The following ANXA11 variants were observed in gnomAD, a reference collection of about 807,000 sequenced individuals.
The protein encoded by ANXA11 is annexin A11.
A neutral mutation model predicts 64.7 loss-of-function variants in ANXA11; 57 were observed. The ratio of observed to expected loss-of-function variants is 0.88; its 90% CI spans 0.71 to 1.10. ANXA11 has a LOEUF of 1.10. Ranked by LOEUF, ANXA11 falls within the 50% of genes least tolerant of loss-of-function variation. The probability of loss-of-function intolerance (pLI) is 0.00; values close to 1 mark genes in which losing one functional copy is unlikely to be tolerated. For missense variants in ANXA11, 675 were observed against 670.7 expected (o/e 1.01, Z -0.07); for synonymous variants, 260 against 265.2 (o/e 0.98, Z 0.19).
intron 1 of ANXA11, among the ~76,000 whole-genome samples, chr10:80,180,388 G>A (rs898511966): frequency 1.3e-5 from 2 of 152,226 alleles, no homozygotes; most frequent in Admixed American, 1.3e-4. Flanking sequence ...TCAGTGCCAT[G>A]CCTGGGACTC....
Position 80,157,991 on chromosome 10 carries a change from C to T in ANXA11, c.1311G>A (p.Ala437=), listed in dbSNP as rs140115990. ...CCCTCATGGCCTTGTTGAGCCTCTC[C>T]GCAAAGAAGGCTGGGGTATTCTTGA... ...KCLKNTPAFF[A]ERLNKAMRGA... Residue 437 remains alanine (A), a synonymous_variant, in exon 14 of 16, where the codon GCG becomes GCA. Transcript: ENST00000422982. 180 of 1,614,124 alleles carry T rather than the reference C, an allele frequency of 1.1e-4. 1 individual carries two copies. The South Asian group carries it at 1.5e-3, about 13-fold the overall frequency.
chr10:80,179,890 C>T (rs769205649), intron 1 of ANXA11, among the ~76,000 whole-genome samples: 1 of 152,230 alleles, frequency 6.6e-6, no homozygotes, highest in Non-Finnish European at 1.5e-5. Flanking sequence ...ATGCCTTGTT[C>T]GTTGGCTCTG....
chr10:80,157,378 T>C, intron 15 of ANXA11: 8 of 985,382 alleles, frequency 8.1e-6, no homozygotes, highest in Non-Finnish European at 9.6e-6. Context: ...ACGCTGAAGG[T>C]CACGGTCAAG....
chr10:80,172,566 G>A (rs1198191806), intron 3 of ANXA11, among the ~76,000 whole-genome samples: 2 of 152,106 alleles, frequency 1.3e-5, no homozygotes, highest in Non-Finnish European at 2.9e-5. Context: ...CCAGCCCTGG[G>A]CCTGGTCCAG....
intron 1 of ANXA11, among the ~76,000 whole-genome samples, chr10:80,186,381 C>T (rs1345825426): frequency 2.6e-5 from 4 of 152,032 alleles, no homozygotes; most frequent in Admixed American, 1.3e-4. Context: ...AGCACACTGG[C>T]ATGGCTGTGT....
chr10:80,182,335 G>A (rs1359619406), intron 1 of ANXA11, among the ~76,000 whole-genome samples: 1 of 152,050 alleles, frequency 6.6e-6, no homozygotes, highest in Admixed American at 6.6e-5. Context: ...GCACACTGTA[G>A]GGAAATTCAA....
At position 80,167,272 on chromosome 10, in the gene ANXA11, G is replaced by A; in HGVS notation, c.603C>T (p.Asp201=). The A allele has an allele frequency of 6.2e-7, 1 of 1,614,166 alleles. No homozygotes were observed. The highest frequency in any genetic ancestry group is 8.5e-7 in the Non-Finnish European group (1 of 1,180,034). The change falls in exon 6 of 16, where the codon GAC becomes GAT. Residue 201 remains aspartate, a synonymous_variant. Transcript: ENST00000422982. Reference sequence around the variant, plus strand: ...GCAGGACCTCGGCATCTCGCAGGGGGTCAAAGCCGGGAGCATCAGTGATGG... The same window carrying A: ...GCAGGACCTCGGCATCTCGCAGGGGATCAAAGCCGGGAGCATCAGTGATGG... The part of the protein sequence containing the change: ...RGTITDAPGF[D]PLRDAEVLRK...
chr10:80,180,035 G>C (rs1460078286), intron 1 of ANXA11, among the ~76,000 whole-genome samples: 1 of 152,190 alleles, frequency 6.6e-6, no homozygotes, highest in Non-Finnish European at 1.5e-5. Context: ...CTATCTGGGG[G>C]TGCTTCTCAG....
At chr10:80,176,736 TGGA>T (rs10616282) in intron 1 of ANXA11, among the ~76,000 whole-genome samples, 2,336 of 152,238 alleles carry the variant, frequency 0.015, 60 homozygotes, top group African/African-American at 0.053. Flanking sequence ...ATGGCGCTCG[TGGA>T]GCTCATTCTT....
rs1318008811 is a variant in ANXA11 at position 80,169,068 on chromosome 10, A to AT, written c.461_462insA (p.Gln155SerfsTer42). 4 of 1,538,542 alleles carry AT rather than the reference A, an allele frequency of 2.6e-6. No homozygotes were observed. The African/African-American group carries it at 5.5e-5, about 21-fold the overall frequency. On this transcript the variant is annotated frameshift_variant, in exon 5 of 16. Transcript: ENST00000422982. LOFTEE classifies it high-confidence loss of function. Reference sequence around the variant, plus strand: ...GCCCAGGGAGTGGCACTGGAGGCTGACCAGGGTAGGTCACTGGTGGCTGCC... The same window carrying AT: ...GCCCAGGGAGTGGCACTGGAGGCTGATCCAGGGTAGGTCACTGGTGGCTGCC...
chr10:80,185,019 C>G (rs1347759922), intron 1 of ANXA11, among the ~76,000 whole-genome samples: 1 of 152,162 alleles, frequency 6.6e-6, no homozygotes, highest in Non-Finnish European at 1.5e-5. Flanking sequence ...ATTTAAGTAT[C>G]AAATAGGATG....
At chr10:80,163,969 C>T in intron 9 of ANXA11, 84 bp downstream of exon 9, 1 of 1,194,148 alleles carries the variant, frequency 8.4e-7, no homozygotes, top group Non-Finnish European at 1.2e-6. Flanking sequence ...GAGTAAAAGG[C>T]CCTAGGAGAG....
At chr10:80,199,908 A>G (rs1039498608) in intron 1 of ANXA11, among the ~76,000 whole-genome samples, 1 of 152,110 alleles carries the variant, frequency 6.6e-6, no homozygotes, top group Non-Finnish European at 1.5e-5. Flanking sequence ...CACAGAGATG[A>G]GCTTATGACT....
At chr10:80,200,329 C>T (rs1213897181) in intron 1 of ANXA11, among the ~76,000 whole-genome samples, 1 of 152,144 alleles carries the variant, frequency 6.6e-6, no homozygotes, top group East Asian at 1.9e-4. Flanking sequence ...TTATAAAATG[C>T]ACTTATTTAT....
rs760374358 is a variant in ANXA11, at chr10:80,157,753, G to A, written c.1346C>T (p.Thr449Ile). 1 of 1,613,388 alleles carries A rather than the reference G, an allele frequency of 6.2e-7. No individual in the cohort carries two copies. The highest frequency in any genetic ancestry group is 8.5e-7 in the Non-Finnish European group (1 of 1,179,708). Residue 449 changes from threonine to isoleucine, a missense_variant, in exon 15 of 16, where the codon ACA (threonine) becomes ATA (isoleucine). Physicochemically the swap from Thr to Ile is moderately conservative, Grantham distance 89. Transcript: ENST00000422982. The part of the protein sequence containing the change: ...RLNKAMRGAG[T>I]KDRTLIRIMV... ...GATGCGAATCAGGGTCCGGTCCTTT[G>A]TTCCTGCCCCCTAAAGAGAGTCCAC...
intron 1 of ANXA11, among the ~76,000 whole-genome samples, chr10:80,194,311 G>A (rs991193232): frequency 4.6e-5 from 7 of 152,136 alleles, no homozygotes; most frequent in Non-Finnish European, 8.8e-5. Context: ...CTACAAGTCC[G>A]GGGACCTGAA....
rs1354711032 is a variant in ANXA11 at position 80,205,430 on chromosome 10, G to A, written c.-145C>T. On this transcript the variant is annotated 5_prime_UTR_variant, in exon 1 of 16. Transcript: ENST00000422982. The stretch of plus-strand genomic sequence containing the variant: ...GCGGGCGTCCCGGGCGCGGCGCCTG[G>A]GTTCTGCCTAGGGGCTGGGTCCCAC... 1 of 45,594 alleles carries A rather than the reference G, an allele frequency of 2.2e-5. No individual in the cohort carries two copies. Among genetic ancestry groups the A allele is most frequent in the Non-Finnish European group, 3.9e-5 (1 of 25,586 alleles). The allele number at this position is 45,594 out of a possible 1,614,324, so 2.8% of individuals were successfully genotyped here.
In ANXA11 at chr10:80,155,930, G is replaced by A. The variant is rs762705669; in HGVS notation, c.1459-18C>T. The A allele has an allele frequency of 1.4e-5, 23 of 1,612,530 alleles. No individual in the cohort carries two copies. The African/African-American group carries it at 2.5e-4, about 18-fold the overall frequency. On this transcript the variant is annotated intron_variant, in intron 15 of 15. Transcript: ENST00000422982. ...GTATCTCCCTGGCCACAGAAACAAG[G>A]AAGACATCCGTTAAGGGAGGGACAG... is the stretch of plus-strand genomic sequence containing the variant.
At chr10:80,184,065 A>G (rs924007256) in intron 1 of ANXA11, among the ~76,000 whole-genome samples, 15 of 152,216 alleles carry the variant, frequency 9.9e-5, no homozygotes, top group Admixed American at 5.2e-4. Flanking sequence ...ATAAAACAGA[A>G]CAGTTTAATA....
Sources: gnomAD v4.1 joint callset for allele counts (sites outside exome capture counted in the v4.1 genomes callset) on GRCh38, gnomAD v4.1.1 for gene constraint, MANE v1.5 for transcripts, NCBI Gene and HGNC (gene_info 2026-07-23, HGNC 2026-07-21) for gene names.